The following RGS22 variants were observed in gnomAD, a reference collection of about 807,000 sequenced individuals.
RGS22 encodes regulator of G protein signaling 22.
RGS22 carries 148 observed loss-of-function variants against 172.9 expected under a neutral mutation model. That is an observed-to-expected ratio of 0.86 (90% CI 0.75 to 0.98). The LOEUF is 0.98. RGS22 is among the 50% of genes least tolerant of loss of function. RGS22 has a pLI of 0.00. For missense variants in RGS22, 1,347 were observed against 1,440.8 expected, an observed-to-expected ratio of 0.93 and a Z score of 1.05; for synonymous variants, 458 against 480.2, an observed-to-expected ratio of 0.95 and a Z score of 0.60.
intron 3 of RGS22, among the ~76,000 whole-genome samples, chr8:100,090,071 C>T (rs1812458583): frequency 6.6e-6 from 1 of 152,150 alleles, no homozygotes; most frequent in Non-Finnish European, 1.5e-5. Flanking sequence ...CAGTGATTGC[C>T]TGTTATGCTG....
At chr8:99,977,664 G>A (rs188491110) in intron 23 of RGS22, among the ~76,000 whole-genome samples, 2 of 152,276 alleles carry the variant, frequency 1.3e-5, no homozygotes, top group African/African-American at 4.8e-5. Flanking sequence ...GTGGAGGAAC[G>A]TTATTGCAGC....
At chr8:100,046,503 A>T (rs1820733988) in intron 11 of RGS22, 3 of 151,322 alleles carry the variant, frequency 2.0e-5, no homozygotes, top group Admixed American at 6.6e-5. Context: ...TGCAATTTAA[A>T]AAAAAAAGAA....
chr8:100,089,952 C>G (rs560427654), intron 3 of RGS22, among the ~76,000 whole-genome samples: 1 of 152,078 alleles, frequency 6.6e-6, no homozygotes, highest in Non-Finnish European at 1.5e-5. Flanking sequence ...GAACTTGCAA[C>G]TTTTCATCCA....
intron 14 of RGS22, among the ~76,000 whole-genome samples, chr8:100,037,862 T>G (rs1819664735): frequency 6.6e-6 from 1 of 152,088 alleles, no homozygotes; most frequent in Non-Finnish European, 1.5e-5. Context: ...GAGATATAAT[T>G]TCATGATTTC....
At chr8:100,052,559 C>G (rs1271538834) in intron 10 of RGS22, among the ~76,000 whole-genome samples, 4 of 152,016 alleles carry the variant, frequency 2.6e-5, no homozygotes, top group African/African-American at 9.7e-5. Flanking sequence ...CCTCGGCCTC[C>G]CAAATGCTGG....
At position 100,051,656 on chromosome 8, in the gene RGS22, T is replaced by C. The variant is rs1429655175; in HGVS notation, c.1689+1146A>G. 3.6e-5 allele frequency among the ~76,000 whole-genome samples: 2 copies of C among 55,676 alleles called. 1 individual carries two copies. Among genetic ancestry groups the C allele is most frequent in the African/African-American group, 1.6e-4 (2 of 12,632 alleles). The allele number at this position is 55,676 out of a possible 152,430, so 36.5% of individuals were successfully genotyped here. On this transcript the variant is annotated intron_variant, in intron 10 of 27. Transcript: ENST00000360863. ...ATATTTATATATGTTTATACATATA[T>C]AAATATATATTTATATATGTTTATA...
At chr8:100,082,167 T>C (rs1228621674) in intron 3 of RGS22, among the ~76,000 whole-genome samples, 2 of 152,228 alleles carry the variant, frequency 1.3e-5, no homozygotes, top group African/African-American at 2.4e-5. Context: ...TGATAAGGAC[T>C]ATTTACTGAA....
At chr8:99,990,582 G>A (rs889392701) in intron 20 of RGS22, among the ~76,000 whole-genome samples, 3 of 152,174 alleles carry the variant, frequency 2.0e-5, no homozygotes, top group African/African-American at 7.2e-5. Flanking sequence ...TCTTGGGCAA[G>A]TCACTGAAAC....
intron 14 of RGS22, among the ~76,000 whole-genome samples, chr8:100,038,045 T>A (rs986559507): frequency 6.6e-6 from 1 of 152,130 alleles, no homozygotes; most frequent in Admixed American, 6.5e-5. Context: ...GATTATAAGA[T>A]AATAAATAAA....
intron 6 of RGS22, among the ~76,000 whole-genome samples, chr8:100,066,733 C>T (rs1197624442): frequency 6.6e-6 from 1 of 152,160 alleles, no homozygotes; most frequent in Non-Finnish European, 1.5e-5. Context: ...TTTTTAACAA[C>T]TGCTCCCCCA....
intron 6 of RGS22, among the ~76,000 whole-genome samples, chr8:100,070,182 A>G (rs1416103735): frequency 6.6e-6 from 1 of 152,134 alleles, no homozygotes; most frequent in Non-Finnish European, 1.5e-5. Flanking sequence ...AGGGGAAAAG[A>G]GCAGGATAAC....
intron 17 of RGS22, 121 bp downstream of exon 17, chr8:100,003,805 C>T: frequency 1.3e-6 from 1 of 769,192 alleles, no homozygotes; most frequent in Non-Finnish European, 1.9e-6. Flanking sequence ...TCATGTTTGT[C>T]AGTTTTTATT....
intron 20 of RGS22, among the ~76,000 whole-genome samples, chr8:99,995,125 T>A (rs966859033): frequency 3.9e-5 from 6 of 152,144 alleles, no homozygotes; most frequent in African/African-American, 1.2e-4. Context: ...TCAAGATGGA[T>A]TAAAGACTTA....
intron 14 of RGS22, among the ~76,000 whole-genome samples, chr8:100,029,422 C>A (rs1296860798): frequency 2.0e-5 from 3 of 152,140 alleles, no homozygotes; most frequent in African/African-American, 7.2e-5. Flanking sequence ...CTGTAGCAGG[C>A]CAAGCATGGT....
intron 11 of RGS22, among the ~76,000 whole-genome samples, chr8:100,045,455 A>G (rs2131629535): frequency 6.6e-6 from 1 of 152,278 alleles, no homozygotes; most frequent in Admixed American, 6.5e-5. Context: ...TACACAGAAA[A>G]TAATGTAGAA....
intron 3 of RGS22, chr8:100,080,943 T>C (rs922982591): frequency 7.2e-5 from 11 of 152,440 alleles, no homozygotes; most frequent in African/African-American, 1.9e-4. Context: ...AGTCAGTTGA[T>C]ATACAATAGT....
chr8:100,094,286 T>A (rs1812799717), intron 2 of RGS22, among the ~76,000 whole-genome samples: 1 of 152,212 alleles, frequency 6.6e-6, no homozygotes, highest in Non-Finnish European at 1.5e-5. Context: ...GTTTATTTTG[T>A]TATTCATAAT....
rs1341056378 is a variant in RGS22 at position 100,039,068 on chromosome 8, C to G, written c.2065-36G>C. 3 of 1,206,220 alleles carry G rather than the reference C, an allele frequency of 2.5e-6. No individual in the cohort carries two copies. The African/African-American group carries it at 4.5e-5, about 18-fold the overall frequency. 74.7% of individuals were successfully genotyped at this position (1,206,220 alleles called of 1,614,324 possible). ...AAAAAGTACATAAATTATTACCACC[C>G]AATTATTAAAACTCTTACAAAGCTC... On this transcript the variant is annotated intron_variant, in intron 13 of 27. Coordinates refer to ENST00000360863, the MANE Select transcript of RGS22 (RefSeq NM_015668.5).
At chr8:99,962,478 G>C in intron 26 of RGS22, 35 bp from the exon 27 acceptor site, 1 of 1,606,056 alleles carries the variant, frequency 6.2e-7, no homozygotes, top group Non-Finnish European at 8.5e-7. Context: ...TATATATTTA[G>C]TCTTTCCTCC....
Sources: allele counts gnomAD v4.1 joint callset (sites outside exome capture counted in the v4.1 genomes callset), GRCh38; gene constraint gnomAD v4.1.1; transcripts MANE v1.5; gene names NCBI Gene and HGNC (gene_info 2026-07-23, HGNC 2026-07-21).